Variants in MYPOP observed in about 807,000 individuals in gnomAD.
The protein encoded by MYPOP is myb-related transcription factor, partner of profilin.
Under a neutral mutation model 25.7 loss-of-function variants are expected in MYPOP, and 21 were observed. That is an observed-to-expected ratio of 0.82 (90% CI 0.58 to 1.18). The LOEUF (loss-of-function observed/expected upper bound fraction) is 1.18, where lower values mean the gene tolerates loss of function less well. MYPOP is among the 50% of genes most tolerant of loss of function. MYPOP has a pLI of 0.00. For synonymous variants in MYPOP, 280 were observed against 247.9 expected (o/e 1.13, Z -1.22); for missense variants, 566 against 588.3 (o/e 0.96, Z 0.39).
chr19:45,898,512 G>A (rs1023367982), intron 2 of MYPOP, among the ~76,000 whole-genome samples: 17 of 151,908 alleles, frequency 1.1e-4, no homozygotes, highest in East Asian at 3.9e-4. Flanking sequence ...TAGTAGAGAC[G>A]GGGTTTCTCC....
At chr19:45,891,855 C>T (rs1358887792) in intron 2 of MYPOP, among the ~76,000 whole-genome samples, 1 of 152,188 alleles carries the variant, frequency 6.6e-6, no homozygotes, top group Non-Finnish European at 1.5e-5. Context: ...GAAACAGGTC[C>T]TGGAAGTCCC....
chr19:45,900,440 T>G (rs1967270304), intron 2 of MYPOP, among the ~76,000 whole-genome samples: 1 of 140,204 alleles, frequency 7.1e-6, no homozygotes, highest in African/African-American at 2.7e-5. Context: ...CAGGAAGCCC[T>G]CCTGGACCAC....
At chr19:45,896,023 G>A (rs1207812061) in intron 2 of MYPOP, among the ~76,000 whole-genome samples, 3 of 152,150 alleles carry the variant, frequency 2.0e-5, no homozygotes, top group African/African-American at 7.2e-5. Flanking sequence ...CGGGTGCGGT[G>A]GCTCAGCCGG....
intron 2 of MYPOP, among the ~76,000 whole-genome samples, chr19:45,894,708 C>T (rs1028673153): frequency 7.3e-5 from 11 of 150,874 alleles, no homozygotes; most frequent in Non-Finnish European, 1.2e-4. Context: ...TATATATATA[C>T]ATTTTTTTCT....
chr19:45,891,593 C>T (rs1343483188), intron 2 of MYPOP, among the ~76,000 whole-genome samples: 1 of 152,062 alleles, frequency 6.6e-6, no homozygotes, highest in East Asian at 1.9e-4. Flanking sequence ...ACCGCCACCA[C>T]ACCCGGCTAC....
Position 45,891,101 on chromosome 19 carries a change from G to A in MYPOP, c.722C>T (p.Pro241Leu), listed in dbSNP as rs1258601035. Residue 241 changes from proline to leucine, a missense_variant, in exon 3 of 3, where the codon CCT becomes CTT. Transcript: ENST00000322217. Reference sequence around the variant, plus strand: ...AGGCCGAGGAGGGGGTGGGGGGCTAGGGGGTGAGGGTGCCACTTGGGCCAG... The same window carrying A: ...AGGCCGAGGAGGGGGTGGGGGGCTAAGGGGTGAGGGTGCCACTTGGGCCAG... The part of the protein sequence containing the change: ...PPLAQVAPSP[P>L]SPPPPPRPPP... 4 of 1,454,988 alleles carry A rather than the reference G, an allele frequency of 2.7e-6. No individual in the cohort carries two copies. In the Admixed American group the frequency reaches 8.7e-5, roughly 32 times the overall value. The allele number at this position is 1,454,988 out of a possible 1,614,324, so 90.1% of individuals were successfully genotyped here.
chr19:45,894,691 A>G (rs1030197413), intron 2 of MYPOP, among the ~76,000 whole-genome samples: 6 of 151,096 alleles, frequency 4.0e-5, no homozygotes, highest in African/African-American at 1.5e-4. Flanking sequence ...TGGAAATTAT[A>G]TCGCCATATA....
In MYPOP at chr19:45,901,465, G is replaced by A; in HGVS notation, c.309C>T (p.Pro103=). The A allele has an allele frequency of 6.3e-7, 1 of 1,599,724 alleles. No homozygotes were observed. The highest frequency in any genetic ancestry group is 8.5e-7 in the Non-Finnish European group (1 of 1,173,452). Residue 103 remains proline (P), a synonymous_variant, in exon 2 of 3, where the codon CCC becomes CCT. Coordinates refer to ENST00000322217, the MANE Select transcript of MYPOP (RefSeq NM_001012643.4). The surrounding 1 kb of genome is among the most constrained non-coding windows in gnomAD (Gnocchi z 5.7). Reference sequence around the variant, plus strand: ...CCGCGGAGAAAGCGTCCTCCGCGGCGGGCCCGGCGCCCTGCGTGGAGTGCG... The same window carrying A: ...CCGCGGAGAAAGCGTCCTCCGCGGCAGGCCCGGCGCCCTGCGTGGAGTGCG... ...RVPHSTQGAG[P]AAEDAFSAEE...
chr19:45,900,532 T>C (rs548923979), intron 2 of MYPOP, among the ~76,000 whole-genome samples: 9 of 126,304 alleles, frequency 7.1e-5, no homozygotes, highest in Non-Finnish European at 1.4e-4. Flanking sequence ...CTCCCTCAAG[T>C]CATCACCGTC....
At chr19:45,899,857 C>T (rs1279872581) in intron 2 of MYPOP, among the ~76,000 whole-genome samples, 1 of 151,702 alleles carries the variant, frequency 6.6e-6, no homozygotes, top group African/African-American at 2.4e-5. Flanking sequence ...AAAAACAAAA[C>T]AAAAAAAATA....
intron 2 of MYPOP, among the ~76,000 whole-genome samples, chr19:45,900,098 G>T (rs141367446): frequency 1.2e-3 from 176 of 152,266 alleles, no homozygotes; most frequent in African/African-American, 4.0e-3. Flanking sequence ...ACATAATCTT[G>T]AACTGTCTTG....
rs1418910089 is a variant in MYPOP at position 45,890,710 on chromosome 19, G to C, written c.1113C>G (p.Ala371=). 5.7e-6 allele frequency: 9 copies of C among 1,578,070 alleles called. No homozygotes were observed. Among genetic ancestry groups the C allele is most frequent in the Non-Finnish European group, 7.7e-6 (9 of 1,161,622 alleles). The change falls in exon 3 of 3, where the codon GCC becomes GCG. Residue 371 remains alanine (A), a synonymous_variant. Coordinates refer to ENST00000322217, the MANE Select transcript of MYPOP (RefSeq NM_001012643.4). Reference sequence around the variant, plus strand: ...GGGGGGAGTCGTGCGGAGGGAGCGGGGCTGGGGGGGGCCGGGGTGCCCCCT... The same window carrying C: ...GGGGGGAGTCGTGCGGAGGGAGCGGCGCTGGGGGGGGCCGGGGTGCCCCCT... ...SEEGAPRPPP[A]PLPPHDSPPH... is the part of the protein sequence containing the mutation.
chr19:45,902,180 C>T (rs1967310642), intron 1 of MYPOP, among the ~76,000 whole-genome samples: 1 of 122,522 alleles, frequency 8.2e-6, no homozygotes, highest in Non-Finnish European at 1.6e-5. Context: ...GATGGGGGTG[C>T]CTCGGGGGGG....
Position 45,901,311 on chromosome 19 carries a change from CG to C in MYPOP, c.462del (p.Tyr154Ter). ...TCCTCCCGGCGGTCTTCCGACAACA[CG>C]TAGCGCTGAGGGCAGGCGCTTGGGG... The part of the protein sequence containing the change: ...PPPPSACPQR[Y>X]VLSEDRREDR... On this transcript the variant is annotated frameshift_variant, in exon 2 of 3. Coordinates refer to ENST00000322217, the MANE Select transcript of MYPOP (RefSeq NM_001012643.4). LOFTEE classifies it high-confidence loss of function. This position sits in a 1 kb window ranked among gnomAD's most constrained non-coding sequence, Gnocchi z 5.7. 6.9e-7 allele frequency: 1 copy of C among 1,459,742 alleles called. No individual in the cohort carries two copies. Among genetic ancestry groups the C allele is most frequent in the Non-Finnish European group, 9.0e-7 (1 of 1,107,350 alleles). 90.4% of individuals were successfully genotyped at this position (1,459,742 alleles called of 1,614,324 possible). A position where few individuals can be genotyped will look rare whatever the true frequency, so the allele number is the denominator to read the frequency against.
At chr19:45,897,141 G>A (rs1454015557) in intron 2 of MYPOP, among the ~76,000 whole-genome samples, 1 of 149,686 alleles carries the variant, frequency 6.7e-6, no homozygotes, top group Admixed American at 6.7e-5. Context: ...TCAGTTTCCT[G>A]CAATTTCTAC....
chr19:45,893,492 C>T (rs139536547), intron 2 of MYPOP, among the ~76,000 whole-genome samples: 5,239 of 149,140 alleles, frequency 0.035, 293 homozygotes, highest in African/African-American at 0.11. Context: ...CGCTTGAACC[C>T]GGGAGGCAGA....
chr19:45,899,311 C>T (rs528193438), intron 2 of MYPOP, among the ~76,000 whole-genome samples: 2 of 152,304 alleles, frequency 1.3e-5, no homozygotes, highest in African/African-American at 4.8e-5. Flanking sequence ...ACATTATTCC[C>T]TGCACCTACC....
Position 45,901,808 on chromosome 19 carries a change from G to T in MYPOP, c.-35C>A. 1 of 1,351,900 alleles carries T rather than the reference G, an allele frequency of 7.4e-7. No individual in the cohort carries two copies. The highest frequency in any genetic ancestry group is 9.5e-7 in the Non-Finnish European group (1 of 1,055,924). The allele number at this position is 1,351,900 out of a possible 1,614,324, so 83.7% of individuals were successfully genotyped here. ...CGACGCCGCCGTCCTGCCGTCTGGCGCATGGGGGGCGCCGGCGCTGCGGGC... is the reference window on the plus strand; with the variant it reads ...CGACGCCGCCGTCCTGCCGTCTGGCTCATGGGGGGCGCCGGCGCTGCGGGC... On this transcript the variant is annotated 5_prime_UTR_variant, in exon 2 of 3. Coordinates refer to ENST00000322217, the MANE Select transcript of MYPOP (RefSeq NM_001012643.4). This position sits in a 1 kb window ranked among gnomAD's most constrained non-coding sequence, Gnocchi z 5.7.
intron 2 of MYPOP, among the ~76,000 whole-genome samples, chr19:45,893,620 T>G (rs1035303814): frequency 7.2e-6 from 1 of 138,082 alleles, no homozygotes; most frequent in African/African-American, 2.7e-5. Flanking sequence ...AGTAGATGAG[T>G]GGCTGCCGGG....
Sources: allele counts gnomAD v4.1 joint callset (sites outside exome capture counted in the v4.1 genomes callset), GRCh38; gene constraint gnomAD v4.1.1; non-coding constraint Gnocchi (gnomAD v3.1); transcripts MANE v1.5; gene names NCBI Gene and HGNC (gene_info 2026-07-23, HGNC 2026-07-21).